KALRN: variants seen among roughly 807,000 people sequenced by gnomAD.
KALRN encodes kalirin.
KALRN carries 70 observed loss-of-function variants against 353.7 expected under a neutral mutation model. That is an observed-to-expected ratio of 0.20 (90% CI 0.16 to 0.24). KALRN has a LOEUF of 0.24. Ranked by LOEUF, KALRN falls within the 10% of genes least tolerant of loss-of-function variation. The probability of loss-of-function intolerance (pLI) is 1.00; values close to 1 mark genes in which losing one functional copy is unlikely to be tolerated. For synonymous variants in KALRN, 1,391 were observed against 1,434.8 expected (o/e 0.97, Z 0.69); for missense variants, 2,791 against 3,756.7 (o/e 0.74, Z 6.72).
intron 3 of KALRN, among the ~76,000 whole-genome samples, 164 bp downstream of exon 3, chr3:124,235,107 A>G (rs929745998): frequency 3.9e-5 from 6 of 152,068 alleles, no homozygotes; most frequent in Admixed American, 3.9e-4. Context: ...CCTCATTCCC[A>G]TTGTTACTGC....
intron 25 of KALRN, among the ~76,000 whole-genome samples, chr3:124,462,874 A>G (rs181265124): frequency 1.8e-4 from 27 of 152,306 alleles, no homozygotes; most frequent in Admixed American, 3.9e-4. Context: ...ATCCTCATTT[A>G]TTCAGCCAGA....
intron 9 of KALRN, among the ~76,000 whole-genome samples, chr3:124,344,192 A>T (rs1381557743): frequency 2.0e-5 from 3 of 152,224 alleles, no homozygotes; most frequent in Non-Finnish European, 4.4e-5. Context: ...CCAGGATTTG[A>T]CTAGAAAGTC....
At chr3:124,718,901 C>G (rs2063292353) in intron 59 of KALRN, 24 bp from the exon 60 acceptor site, 1 of 1,504,656 alleles carries the variant, frequency 6.6e-7, no homozygotes, top group Non-Finnish European at 9.2e-7. Flanking sequence ...CTTCTTTTCT[C>G]CCTGCTTCCT....
intron 1 of KALRN, among the ~76,000 whole-genome samples, chr3:124,198,752 T>A (rs1005373314): frequency 1.3e-5 from 2 of 152,228 alleles, no homozygotes; most frequent in Admixed American, 6.5e-5. Flanking sequence ...GTGGCTTTCA[T>A]CAGATTCTGA....
Position 124,696,261 on chromosome 3 carries a change from G to A in KALRN, c.7699+6G>A, listed in dbSNP as rs767976043. 3 of 1,613,402 alleles carry A rather than the reference G, an allele frequency of 1.9e-6. No individual in the cohort carries two copies. The South Asian group carries it at 3.3e-5, about 18-fold the overall frequency. On this transcript the variant is annotated splice_donor_region_variant and intron_variant, in intron 54 of 59. Coordinates refer to ENST00000682506, the MANE Select transcript of KALRN (RefSeq NM_001388419.1). ...TGCAACAGTCAAAGTGCAAGGTACA[G>A]CCTCTTTGTTAGTCAAACCTTTTGA...
intron 1 of KALRN, among the ~76,000 whole-genome samples, chr3:124,104,639 G>T (rs1473110223): frequency 6.6e-6 from 1 of 152,118 alleles, no homozygotes; most frequent in Non-Finnish European, 1.5e-5. Flanking sequence ...CAGTACCAAG[G>T]TACCAGCCAG....
At chr3:124,363,123 A>G (rs1470727918) in intron 10 of KALRN, among the ~76,000 whole-genome samples, 2 of 152,224 alleles carry the variant, frequency 1.3e-5, no homozygotes, top group African/African-American at 2.4e-5. Context: ...TAAAAAAATT[A>G]TAGTATAAAG....
chr3:124,449,477 GT>G (rs1374782232), intron 21 of KALRN, among the ~76,000 whole-genome samples: 2 of 152,158 alleles, frequency 1.3e-5, no homozygotes, highest in African/African-American at 4.8e-5. Context: ...TGTATAAGGG[GT>G]CAAGGCACAC....
At chr3:124,628,653 G>A (rs1007395041) in intron 34 of KALRN, among the ~76,000 whole-genome samples, 29 of 149,702 alleles carry the variant, frequency 1.9e-4, no homozygotes, top group African/African-American at 7.2e-4. Context: ...TCAGCTTACT[G>A]CAACCTCTGC....
rs976640084 is a variant in KALRN at position 124,562,888 on chromosome 3, G to A, written c.4981G>A (p.Ala1661Thr). Residue 1661 changes from alanine (A) to threonine (T), a missense_variant, in exon 34 of 60, where the codon GCG becomes ACG. This residue lies in a region of KALRN where 239 missense variants were observed against 351.3 expected (regional missense o/e 0.68). Transcript: ENST00000682506. ...ELTVVLQDFS[A>T]GHSSELTIQV... ...GACAGTGGTCCTCCAGGACTTCAGT[G>A]CGGGCCACAGCAGTGAGCTGACCAT... The A allele has an allele frequency of 9.5e-6, 13 of 1,367,690 alleles. No individual in the cohort carries two copies. Among genetic ancestry groups the A allele is most frequent in the Non-Finnish European group, 1.3e-5 (13 of 1,021,934 alleles). The allele number at this position is 1,367,690 out of a possible 1,614,324, so 84.7% of individuals were successfully genotyped here. A position where few individuals can be genotyped will look rare whatever the true frequency, so the allele number is the denominator to read the frequency against.
At chr3:124,615,707 G>A (rs1002261058) in intron 34 of KALRN, among the ~76,000 whole-genome samples, 18 of 152,196 alleles carry the variant, frequency 1.2e-4, no homozygotes, top group African/African-American at 4.3e-4. Context: ...TCCGGTTGCA[G>A]GGTGGGCCAG....
At chr3:124,115,701 A>G (rs2063392088) in intron 1 of KALRN, among the ~76,000 whole-genome samples, 1 of 152,104 alleles carries the variant, frequency 6.6e-6, no homozygotes, top group Non-Finnish European at 1.5e-5. Context: ...GGGTTCCTGC[A>G]GGGAGGTCGA....
intron 1 of KALRN, among the ~76,000 whole-genome samples, chr3:124,227,095 T>A (rs912396000): frequency 6.6e-6 from 1 of 152,152 alleles, no homozygotes; most frequent in African/African-American, 2.4e-5. Context: ...GGGTCCTGAC[T>A]TCCCACAAAT....
At chr3:124,570,977 C>T (rs1380266087) in intron 34 of KALRN, among the ~76,000 whole-genome samples, 1 of 152,158 alleles carries the variant, frequency 6.6e-6, no homozygotes, top group Non-Finnish European at 1.5e-5. Context: ...ACTTCTAGAG[C>T]CTGTTGGATT....
At chr3:124,472,761 A>C (rs2061063115) in intron 25 of KALRN, among the ~76,000 whole-genome samples, 1 of 152,206 alleles carries the variant, frequency 6.6e-6, no homozygotes, top group Non-Finnish European at 1.5e-5. Flanking sequence ...CATATAAAGT[A>C]CATATTAGTT....
intron 6 of KALRN, among the ~76,000 whole-genome samples, chr3:124,311,924 C>A (rs892969181): frequency 6.6e-6 from 1 of 152,094 alleles, no homozygotes; most frequent in Non-Finnish European, 1.5e-5. Context: ...TATTTGGTTT[C>A]ATTTATTTGA....
intron 5 of KALRN, among the ~76,000 whole-genome samples, chr3:124,287,422 C>A (rs561305763): frequency 6.6e-6 from 1 of 151,826 alleles, no homozygotes; most frequent in Admixed American, 6.6e-5. Context: ...CTTACCAGTC[C>A]CTGAACGCTG....
At chr3:124,077,375 C>T (rs1053722760) in intron 1 of KALRN, among the ~76,000 whole-genome samples, 1 of 152,122 alleles carries the variant, frequency 6.6e-6, no homozygotes, top group African/African-American at 2.4e-5. Context: ...TTTAGGCTGC[C>T]CCCTGGTTTG....
intron 48 of KALRN, 120 bp downstream of exon 48, chr3:124,672,018 A>T: frequency 1.3e-6 from 1 of 768,086 alleles, no homozygotes; most frequent in Admixed American, 2.2e-5. Flanking sequence ...GCACCATCTC[A>T]GCTCACTGCA....
Sources: gnomAD v4.1 joint callset for allele counts (sites outside exome capture counted in the v4.1 genomes callset) on GRCh38, gnomAD v4.1.1 for gene constraint, gnomAD v4.1.1 regional missense constraint, MANE v1.5 for transcripts, NCBI Gene and HGNC (gene_info 2026-07-23, HGNC 2026-07-21) for gene names.